The following CHST8 variants were observed in gnomAD, a reference collection of about 807,000 sequenced individuals.
The protein encoded by CHST8 is carbohydrate sulfotransferase 8.
CHST8 carries 10 observed loss-of-function variants against 15.0 expected under a neutral mutation model. That is an observed-to-expected ratio of 0.67 (90% CI 0.41 to 1.13). The LOEUF (loss-of-function observed/expected upper bound fraction) is 1.13, where lower values mean the gene tolerates loss of function less well. Ranked by LOEUF, CHST8 falls within the 50% of genes most tolerant of loss-of-function variation. The probability of loss-of-function intolerance (pLI) is 0.00; values close to 1 mark genes in which losing one functional copy is unlikely to be tolerated. For missense variants in CHST8, 634 were observed against 608.2 expected (o/e 1.04, Z -0.45); for synonymous variants, 259 against 256.6 (o/e 1.01, Z -0.09).
At chr19:33,718,919 T>C (rs1973722079) in intron 3 of CHST8, among the ~76,000 whole-genome samples, 1 of 151,842 alleles carries the variant, frequency 6.6e-6, no homozygotes, top group Admixed American at 6.6e-5. Flanking sequence ...GTCTTGAATC[T>C]CTGTTGCTAC....
intron 1 of CHST8, among the ~76,000 whole-genome samples, chr19:33,633,217 A>G (rs1338003215): frequency 2.0e-5 from 3 of 152,154 alleles, no homozygotes; most frequent in Admixed American, 6.5e-5. Context: ...AGATTCATCC[A>G]TGTTGTTTTG....
rs1973051025 is a variant in CHST8, at chr19:33,689,325, G to C, written c.64G>C (p.Ala22Pro). ...CMFSSILLFG[A>P]AGLLLFISLQ... ...GTTCTCTTCCATCCTGCTGTTCGGA[G>C]CTGCAGGCCTCCTCCTCTTCATCAG... The change falls in exon 3 of 5, where the codon GCT becomes CCT. Residue 22 changes from alanine (A) to proline (P), a missense_variant. Coordinates refer to ENST00000650847, the MANE Select transcript of CHST8 (RefSeq NM_001127895.2). The C allele has an allele frequency of 1.9e-6, 3 of 1,609,592 alleles. No homozygotes were observed. The African/African-American group carries it at 4.0e-5, about 22-fold the overall frequency.
At chr19:33,672,056 T>C (rs1046003753) in intron 2 of CHST8, among the ~76,000 whole-genome samples, 12 of 152,166 alleles carry the variant, frequency 7.9e-5, no homozygotes, top group Admixed American at 7.9e-4. Context: ...TGCATATATA[T>C]ACACATAAAT....
chr19:33,633,067 G>C (rs1415861373), intron 1 of CHST8, among the ~76,000 whole-genome samples: 6 of 152,124 alleles, frequency 3.9e-5, no homozygotes, highest in Non-Finnish European at 8.8e-5. Flanking sequence ...CTGACCTCAG[G>C]TGATCCACCC....
At chr19:33,752,323 A>C (rs1974436777) in intron 3 of CHST8, among the ~76,000 whole-genome samples, 1 of 152,244 alleles carries the variant, frequency 6.6e-6, no homozygotes, top group Non-Finnish European at 1.5e-5. Context: ...GCTCTCTGCC[A>C]AGATGACACG....
intron 2 of CHST8, among the ~76,000 whole-genome samples, chr19:33,672,397 C>T (rs754480323): frequency 1.3e-5 from 2 of 152,104 alleles, no homozygotes; most frequent in Non-Finnish European, 2.9e-5. Context: ...GGGGTATCAC[C>T]ATGTTGGCCA....
In CHST8 at chr19:33,689,140, C is replaced by T. The variant is rs7250388; in HGVS notation, c.-86-36C>T. On this transcript the variant is annotated intron_variant, in intron 2 of 4. Transcript: ENST00000650847. ...GGCCTACACCTGCCCGGGTGCCTCG[C>T]GCCTCGGTGATGACTATCCCTCCTC... is the stretch of plus-strand genomic sequence containing the variant. 6,374 of 1,255,864 alleles carry T rather than the reference C, an allele frequency of 5.1e-3. 211 individuals carry two copies. In the African/African-American group the frequency reaches 0.076, roughly 15 times the overall value. 77.8% of individuals were successfully genotyped at this position (1,255,864 alleles called of 1,614,324 possible).
At chr19:33,729,756 C>A (rs1045243743) in intron 3 of CHST8, among the ~76,000 whole-genome samples, 4 of 152,140 alleles carry the variant, frequency 2.6e-5, no homozygotes, top group Admixed American at 2.0e-4. Flanking sequence ...AAATCCAGCT[C>A]CCCAAGGAGT....
At chr19:33,634,704 A>G (rs1263177306) in intron 1 of CHST8, among the ~76,000 whole-genome samples, 1 of 136,174 alleles carries the variant, frequency 7.3e-6, no homozygotes, top group Non-Finnish European at 1.5e-5. Context: ...AAAAAAAAGC[A>G]TGGATGCTGC....
chr19:33,624,561 A>T (rs1301171445), intron 1 of CHST8, among the ~76,000 whole-genome samples: 2 of 152,226 alleles, frequency 1.3e-5, no homozygotes, highest in African/African-American at 4.8e-5. Flanking sequence ...GTAAGCTAAT[A>T]AGTCTGGGAA....
chr19:33,630,015 C>T (rs77626230), intron 1 of CHST8, among the ~76,000 whole-genome samples: 7,359 of 152,042 alleles, frequency 0.048, 234 homozygotes, highest in Middle Eastern at 0.071. Context: ...CAGACTGACT[C>T]GCACTTGGCA....
intron 3 of CHST8, among the ~76,000 whole-genome samples, chr19:33,740,339 A>G (rs1380816527): frequency 2.0e-5 from 3 of 152,188 alleles, no homozygotes; most frequent in East Asian, 1.9e-4. Context: ...GAACCGTGTC[A>G]TGGAAACCAC....
chr19:33,668,788 C>T (rs1198100169), intron 2 of CHST8, among the ~76,000 whole-genome samples: 2 of 152,054 alleles, frequency 1.3e-5, no homozygotes, highest in African/African-American at 4.8e-5. Flanking sequence ...TTTGGAGATT[C>T]TGAGATTTTG....
intron 3 of CHST8, among the ~76,000 whole-genome samples, chr19:33,756,147 T>A (rs1005942564): frequency 1.3e-5 from 2 of 152,248 alleles, no homozygotes; most frequent in African/African-American, 4.8e-5. Flanking sequence ...CTTAGAAGAC[T>A]TCATGTTATT....
chr19:33,657,556 G>A (rs117115927), intron 1 of CHST8, among the ~76,000 whole-genome samples: 3,406 of 151,828 alleles, frequency 0.022, 59 homozygotes, highest in Middle Eastern at 0.065. Flanking sequence ...ACAGGCATAA[G>A]CCACCACACC....
At chr19:33,729,697 AAG>A (rs1247098186) in intron 3 of CHST8, among the ~76,000 whole-genome samples, 3 of 152,212 alleles carry the variant, frequency 2.0e-5, no homozygotes, top group African/African-American at 7.2e-5. Flanking sequence ...GCAACAGAGA[AAG>A]AGATTTAATT....
intron 3 of CHST8, among the ~76,000 whole-genome samples, chr19:33,693,699 G>T (rs1267557041): frequency 6.6e-6 from 1 of 152,066 alleles, no homozygotes; most frequent in African/African-American, 2.4e-5. Context: ...GTTCTTTGTT[G>T]TCCCAATAAA....
At chr19:33,759,638 C>T (rs1238043175) in intron 3 of CHST8, among the ~76,000 whole-genome samples, 1 of 152,196 alleles carries the variant, frequency 6.6e-6, no homozygotes, top group African/African-American at 2.4e-5. Context: ...CCCCTAATTC[C>T]CTCTCCTCCA....
intron 3 of CHST8, among the ~76,000 whole-genome samples, chr19:33,702,094 C>G (rs1973349815): frequency 6.6e-6 from 1 of 152,128 alleles, no homozygotes; most frequent in Admixed American, 6.5e-5. Context: ...CCTGTCTCAG[C>G]CTCCCGAGTA....
Sources: allele counts gnomAD v4.1 joint callset (sites outside exome capture counted in the v4.1 genomes callset), GRCh38; gene constraint gnomAD v4.1.1; transcripts MANE v1.5; gene names NCBI Gene and HGNC (gene_info 2026-07-23, HGNC 2026-07-21).